Variants in TYR observed in about 807,000 individuals in gnomAD.
TYR encodes the protein tyrosinase.
Under a neutral mutation model 51.5 loss-of-function variants are expected in TYR, and 58 were observed. The observed-to-expected ratio is 1.13, with a 90% CI of 0.91 to 1.40. The LOEUF is 1.40. Ranked by LOEUF, TYR falls within the 40% of genes most tolerant of loss-of-function variation. The probability of loss-of-function intolerance (pLI) is 0.00; values close to 1 mark genes in which losing one functional copy is unlikely to be tolerated. For missense variants in TYR, 732 were observed against 647.4 expected (o/e 1.13, Z -1.42); for synonymous variants, 263 against 235.2 (o/e 1.12, Z -1.08).
intron 2 of TYR, among the ~76,000 whole-genome samples, chr11:89,206,366 A>G (rs1394212860): frequency 2.0e-5 from 3 of 152,172 alleles, no homozygotes; most frequent in African/African-American, 7.2e-5. Flanking sequence ...AATAAAATAG[A>G]CTTCAGAGCA....
intron 2 of TYR, among the ~76,000 whole-genome samples, chr11:89,213,326 T>G (rs1047246937): frequency 6.6e-6 from 1 of 152,064 alleles, no homozygotes; most frequent in Non-Finnish European, 1.5e-5. Context: ...ATGAGTGAAC[T>G]CCCATTCATA....
rs142575793 is a variant in TYR at position 89,191,445 on chromosome 11, T to C, written c.1036+27T>C. The stretch of plus-strand genomic sequence containing the variant: ...TAATCTCTTTCTTTTCACTTTTAAT[T>C]TTTTTTCTGAATTCATATTTACAGT... On this transcript the variant is annotated intron_variant, in intron 2 of 4. Coordinates refer to ENST00000263321, the MANE Select transcript of TYR (RefSeq NM_000372.5). 1,043 of 1,603,982 alleles carry C rather than the reference T, an allele frequency of 6.5e-4. 4 individuals carry two copies. The African/African-American group carries it at 0.011, about 17-fold the overall frequency.
chr11:89,237,573 A>T (rs1474217360), intron 3 of TYR, among the ~76,000 whole-genome samples: 2 of 152,094 alleles, frequency 1.3e-5, no homozygotes, highest in Non-Finnish European at 2.9e-5. Flanking sequence ...TGCCAGTACT[A>T]TTCTGTGATA....
At chr11:89,276,053 T>G (rs1944650348) in intron 3 of TYR, among the ~76,000 whole-genome samples, 1 of 151,894 alleles carries the variant, frequency 6.6e-6, no homozygotes, top group African/African-American at 2.4e-5. Context: ...ATTGGGTAGA[T>G]AGTTGGCACC....
intron 1 of TYR, among the ~76,000 whole-genome samples, chr11:89,182,204 T>A (rs898461066): frequency 1.3e-5 from 2 of 152,182 alleles, no homozygotes; most frequent in Admixed American, 1.3e-4. Context: ...TATTTTTGTA[T>A]CCACAGAGCA....
chr11:89,214,591 T>C (rs1260347733), intron 2 of TYR, among the ~76,000 whole-genome samples: 24 of 152,186 alleles, frequency 1.6e-4, no homozygotes, highest in Non-Finnish European at 3.4e-4. Flanking sequence ...GTATGTTTAT[T>C]GCGGAACTAT....
At chr11:89,254,933 AC>A (rs1276577982) in intron 3 of TYR, among the ~76,000 whole-genome samples, 1 of 151,304 alleles carries the variant, frequency 6.6e-6, no homozygotes, top group African/African-American at 2.4e-5. Context: ...GCTTTTTCAG[AC>A]TTTTTGATGT....
intron 3 of TYR, among the ~76,000 whole-genome samples, chr11:89,279,193 C>T (rs375334846): frequency 3.5e-4 from 53 of 151,778 alleles, no homozygotes; most frequent in African/African-American, 1.2e-3. Flanking sequence ...ACCATAGAAA[C>T]TAGACTCCCT....
At chr11:89,276,491 T>C (rs1242673865) in intron 3 of TYR, among the ~76,000 whole-genome samples, 2 of 151,636 alleles carry the variant, frequency 1.3e-5, no homozygotes, top group African/African-American at 4.8e-5. Context: ...TTCACTACTT[T>C]CTCTCTCTCT....
intron 2 of TYR, among the ~76,000 whole-genome samples, chr11:89,224,601 G>T (rs1013699600): frequency 6.6e-6 from 1 of 152,128 alleles, no homozygotes; most frequent in Non-Finnish European, 1.5e-5. Flanking sequence ...AAATGAATCT[G>T]ATTGAGAAGA....
chr11:89,259,894 A>G (rs1275062765), intron 3 of TYR, among the ~76,000 whole-genome samples: 1 of 152,026 alleles, frequency 6.6e-6, no homozygotes, highest in East Asian at 1.9e-4. Flanking sequence ...ATTTAATTAT[A>G]TTATTCTTTT....
intron 1 of TYR, among the ~76,000 whole-genome samples, chr11:89,181,862 C>G (rs1278188611): frequency 6.6e-6 from 1 of 152,168 alleles, no homozygotes; most frequent in African/African-American, 2.4e-5. Flanking sequence ...CATTTAGGTT[C>G]AGAAGGGGTC....
At chr11:89,292,171 T>C (rs1944859370) in intron 4 of TYR, among the ~76,000 whole-genome samples, 1 of 152,034 alleles carries the variant, frequency 6.6e-6, no homozygotes, top group Non-Finnish European at 1.5e-5. Flanking sequence ...CTTTTGTATA[T>C]GTCTGCCCTT....
At chr11:89,266,530 C>A (rs1266562426) in intron 3 of TYR, among the ~76,000 whole-genome samples, 2 of 152,002 alleles carry the variant, frequency 1.3e-5, no homozygotes, top group African/African-American at 4.8e-5. Flanking sequence ...CCAACAACAA[C>A]AACAACAACA....
In TYR at chr11:89,177,958, T is replaced by G; in HGVS notation, c.5T>G (p.Leu2Arg). 6.2e-7 allele frequency: 1 copy of G among 1,614,062 alleles called. No homozygotes were observed. Among genetic ancestry groups the G allele is most frequent in the Non-Finnish European group, 8.5e-7 (1 of 1,180,026 alleles). The change falls in exon 1 of 5, where the codon CTC becomes CGC. Residue 2 changes from leucine (L) to arginine (R), a missense_variant. Physicochemically the swap from Leu to Arg is moderately radical, Grantham distance 102. Transcript: ENST00000263321. ...CTTGTGAGGACTAGAGGAAGAATGC[T>G]CCTGGCTGTTTTGTACTGCCTGCTG... MLLAVLYCLLWS... is the reference protein window; with the variant it reads MRLAVLYCLLWS...
At chr11:89,283,133 C>T (rs1385982732) in intron 3 of TYR, among the ~76,000 whole-genome samples, 4 of 151,840 alleles carry the variant, frequency 2.6e-5, no homozygotes, top group African/African-American at 4.8e-5. Context: ...AGTAAATATT[C>T]GTTTAATAAT....
intron 2 of TYR, 25 bp downstream of exon 2, chr11:89,191,443 A>T (rs1378026463): frequency 1.6e-5 from 26 of 1,603,234 alleles, no homozygotes; most frequent in Non-Finnish European, 2.0e-5. Context: ...TTCACTTTTA[A>T]TTTTTTTTCT....
chr11:89,230,634 G>A (rs551929716), intron 3 of TYR, among the ~76,000 whole-genome samples: 1 of 152,184 alleles, frequency 6.6e-6, no homozygotes, highest in African/African-American at 2.4e-5. Context: ...CTATACCTCT[G>A]ATAAGGGGTT....
At chr11:89,279,897 G>A (rs1054433042) in intron 3 of TYR, among the ~76,000 whole-genome samples, 3 of 151,794 alleles carry the variant, frequency 2.0e-5, no homozygotes, top group Admixed American at 2.0e-4. Flanking sequence ...CTTCAAGACA[G>A]AGTATCTACA....
Sources: gnomAD v4.1 joint callset for allele counts (sites outside exome capture counted in the v4.1 genomes callset) on GRCh38, gnomAD v4.1.1 for gene constraint, MANE v1.5 for transcripts, NCBI Gene and HGNC (gene_info 2026-07-23, HGNC 2026-07-21) for gene names.